Variants in NOX4 observed in about 807,000 individuals in gnomAD.
NOX4 encodes kidney oxidase-1.
Under a neutral mutation model 87.6 loss-of-function variants are expected in NOX4, and 69 were observed. The ratio of observed to expected loss-of-function variants is 0.79; its 90% CI spans 0.65 to 0.96. The LOEUF is 0.96. Ranked by LOEUF, NOX4 falls within the 40% of genes least tolerant of loss-of-function variation. The pLI, the probability that NOX4 is intolerant of heterozygous loss-of-function variation, is 0.00. For missense variants in NOX4, 680 were observed against 681.5 expected, an observed-to-expected ratio of 1.00 and a Z score of 0.02; for synonymous variants, 275 against 238.2, an observed-to-expected ratio of 1.15 and a Z score of -1.42.
intron 11 of NOX4, among the ~76,000 whole-genome samples, chr11:89,381,058 T>A (rs565754181): frequency 1.6e-4 from 25 of 152,042 alleles, no homozygotes; most frequent in African/African-American, 2.4e-4. Context: ...TCTTGCCTGG[T>A]TTTCTTTGAA....
At chr11:89,430,967 G>A (rs1334575230) in intron 7 of NOX4, among the ~76,000 whole-genome samples, 1 of 152,076 alleles carries the variant, frequency 6.6e-6, no homozygotes, top group African/African-American at 2.4e-5. Flanking sequence ...CTACAAGGCT[G>A]CAGTAACCAA....
chr11:89,488,984 A>G, intron 2 of NOX4: 2 of 702,800 alleles, frequency 2.8e-6, no homozygotes, highest in Non-Finnish European at 5.2e-6. Context: ...TATAGGTTTC[A>G]AGACAGTTCC....
intron 12 of NOX4, among the ~76,000 whole-genome samples, chr11:89,364,552 A>G (rs919646564): frequency 1.3e-5 from 2 of 152,014 alleles, no homozygotes; most frequent in African/African-American, 2.4e-5. Flanking sequence ...ACATAAGGGG[A>G]AAAAAATCCC....
chr11:89,506,354 G>C, the NOX4 span, among the ~76,000 whole-genome samples: 1 of 151,018 alleles, frequency 6.6e-6, no homozygotes, highest in East Asian at 1.9e-4. Context: ...GAAAAAGAAC[G>C]AAGGAAGAAA....
Position 89,342,090 on chromosome 11 carries a change from T to C in NOX4, c.1321A>G (p.Ile441Val), listed in dbSNP as rs1380251276. Reference sequence around the variant, plus strand: ...ATGACATACAACAGGGTGTTGAGTATTGATGCAAATGGAGTTACTCCAATG... The same window carrying C: ...ATGACATACAACAGGGTGTTGAGTACTGATGCAAATGGAGTTACTCCAATG... ...GGIGVTPFASILNTLLDDWKP... is the reference protein window; with the variant it reads ...GGIGVTPFASVLNTLLDDWKP... Residue 441 changes from isoleucine to valine, a missense_variant, in exon 14 of 18, where the codon ATA becomes GTA. Ile to Val is a conservative substitution (Grantham distance 29). Transcript: ENST00000263317. 9.9e-6 allele frequency: 16 copies of C among 1,613,134 alleles called. No homozygotes were observed. The highest frequency in any genetic ancestry group is 1.3e-5 in the Non-Finnish European group (15 of 1,179,364).
the NOX4 span, among the ~76,000 whole-genome samples, chr11:89,522,060 C>G: frequency 6.6e-5 from 10 of 152,122 alleles, no homozygotes; most frequent in African/African-American, 2.4e-4. Flanking sequence ...AAAGGGAAAG[C>G]TTATACACTG....
intron 11 of NOX4, among the ~76,000 whole-genome samples, chr11:89,390,557 A>G (rs563720577): frequency 2.0e-5 from 3 of 152,326 alleles, no homozygotes; most frequent in Admixed American, 2.0e-4. Context: ...TAAAATATGA[A>G]TGAATGTGAA....
At chr11:89,474,458 C>CAAAAAAAAAAAAA in intron 2 of NOX4, among the ~76,000 whole-genome samples, 1 of 97,044 alleles carries the variant, frequency 1.0e-5, no homozygotes, top group Non-Finnish European at 2.2e-5. Flanking sequence ...TCTATAATAC[C>CAAAAAAAAAAAAA]AAAAAAAAAA....
chr11:89,360,599 T>G (rs2135002163), intron 12 of NOX4, among the ~76,000 whole-genome samples: 1 of 152,220 alleles, frequency 6.6e-6, no homozygotes, highest in South Asian at 2.1e-4. Flanking sequence ...TCTTAATTCC[T>G]TTTCTGAACT....
the NOX4 span, among the ~76,000 whole-genome samples, chr11:89,542,063 A>T: frequency 2.6e-5 from 4 of 152,000 alleles, no homozygotes; most frequent in African/African-American, 7.2e-5. Flanking sequence ...CTCCTGCCTC[A>T]GCCTCCCAGA....
the NOX4 span, among the ~76,000 whole-genome samples, chr11:89,547,892 A>T: frequency 6.6e-6 from 1 of 152,142 alleles, no homozygotes; most frequent in African/African-American, 2.4e-5. Flanking sequence ...CTTTATGCAT[A>T]GACCCAATAA....
chr11:89,474,411 C>A (rs1591344649), intron 2 of NOX4, among the ~76,000 whole-genome samples: 2 of 104,046 alleles, frequency 1.9e-5, no homozygotes, highest in Admixed American at 1.3e-4. Context: ...TCTAATTGTA[C>A]AAGTAAATTT....
At chr11:89,465,124 T>C (rs1189569993) in intron 2 of NOX4, among the ~76,000 whole-genome samples, 1 of 152,194 alleles carries the variant, frequency 6.6e-6, no homozygotes, top group East Asian at 1.9e-4. Context: ...TTTCTCCTAA[T>C]GCTATCCCTC....
chr11:89,410,638 G>A (rs763222408), intron 8 of NOX4, among the ~76,000 whole-genome samples: 5 of 152,186 alleles, frequency 3.3e-5, no homozygotes, highest in Non-Finnish European at 7.3e-5. Context: ...GCAACACCAG[G>A]AGGAACTCAG....
chr11:89,385,656 CA>C (rs1211005538), intron 11 of NOX4, among the ~76,000 whole-genome samples: 3 of 152,132 alleles, frequency 2.0e-5, no homozygotes, highest in Admixed American at 6.6e-5. Context: ...CTTAGTGTTC[CA>C]TCTGCTATTC....
At chr11:89,329,356 G>GAAAAAA (rs377055666) in intron 17 of NOX4, among the ~76,000 whole-genome samples, 54 of 34,656 alleles carry the variant, frequency 1.6e-3, no homozygotes, top group East Asian at 2.6e-3. Context: ...GAAAAAAACT[G>GAAAAAA]AAAAAAAAAA....
At chr11:89,454,230 G>A (rs368798402) in intron 2 of NOX4, among the ~76,000 whole-genome samples, 1 of 151,646 alleles carries the variant, frequency 6.6e-6, no homozygotes, top group Non-Finnish European at 1.5e-5. Context: ...TCAAGACCAG[G>A]GTAAATATTT....
intron 7 of NOX4, among the ~76,000 whole-genome samples, chr11:89,431,565 G>A (rs1565282932): frequency 1.3e-5 from 2 of 152,140 alleles, no homozygotes; most frequent in Non-Finnish European, 2.9e-5. Context: ...CCTCTCAAAA[G>A]AAGACATTTA....
At chr11:89,476,908 T>G (rs1946191022) in intron 2 of NOX4, among the ~76,000 whole-genome samples, 1 of 152,144 alleles carries the variant, frequency 6.6e-6, no homozygotes, top group South Asian at 2.1e-4. Flanking sequence ...TTTTGTGAAT[T>G]AGAAGATACA....
Sources: gnomAD v4.1 joint callset for allele counts (sites outside exome capture counted in the v4.1 genomes callset) on GRCh38, gnomAD v4.1.1 for gene constraint, MANE v1.5 for transcripts, NCBI Gene and HGNC (gene_info 2026-07-23, HGNC 2026-07-21) for gene names.